DNAJC14: variants seen among roughly 807,000 people sequenced by gnomAD.
DNAJC14 encodes DnaJ heat shock protein family (Hsp40) member C14, also known as dnaJ homolog subfamily C member 14.
A neutral mutation model predicts 68.8 loss-of-function variants in DNAJC14; 12 were observed. The ratio of observed to expected loss-of-function variants is 0.17; its 90% CI spans 0.11 to 0.28. The LOEUF (loss-of-function observed/expected upper bound fraction) is 0.28, where lower values mean the gene tolerates loss of function less well. Among genes scored for constraint, DNAJC14 ranks in the 10% least tolerant of loss-of-function variants. The pLI is 1.00. For missense variants in DNAJC14, 764 were observed against 875.6 expected, an observed-to-expected ratio of 0.87 and a Z score of 1.61; for synonymous variants, 350 against 321.5, an observed-to-expected ratio of 1.09 and a Z score of -0.95.
chr12:55,829,454 A>C, intron 1 of DNAJC14, 35 bp downstream of exon 1: 1 of 984,182 alleles, frequency 1.0e-6, no homozygotes, highest in African/African-American at 1.8e-5. Context: ...CAAAAAAACA[A>C]AAAAAAACGA....
rs1880878408 is a variant in DNAJC14, at chr12:55,828,744, A to G, written c.-56-30T>C. ...AACAGATATCAAGGTGGAGACAGTC[A>G]AGGATGAGACCAAGAGAGGAATTAA... On this transcript the variant is annotated intron_variant, in intron 1 of 6. Coordinates refer to ENST00000678005, the MANE Select transcript of DNAJC14 (RefSeq NM_032364.6). 9 of 1,479,112 alleles carry G rather than the reference A, an allele frequency of 6.1e-6. No individual in the cohort carries two copies. The East Asian group carries it at 1.9e-4, about 31-fold the overall frequency. 91.6% of individuals were successfully genotyped at this position (1,479,112 alleles called of 1,614,324 possible).
chr12:55,821,773 C>A lies in DNAJC14; in HGVS notation c.*204G>T. 7.3e-6 allele frequency: 3 copies of A among 411,106 alleles called. No homozygotes were observed. The highest frequency in any genetic ancestry group is 1.2e-5 in the Non-Finnish European group (3 of 241,588). The allele number at this position is 411,106 out of a possible 1,614,324, so 25.5% of individuals were successfully genotyped here. A position where few individuals can be genotyped will look rare whatever the true frequency, so the allele number is the denominator to read the frequency against. The stretch of plus-strand genomic sequence containing the variant: ...TCAGGAGGCTGAGATGGGAGAATTG[C>A]TTGAACCCGGGAGACAGAGGTTGCA... On this transcript the variant is annotated 3_prime_UTR_variant, in exon 7 of 7. Transcript: ENST00000678005.
chr12:55,821,790 G>A lies in DNAJC14; in HGVS notation c.*187C>T. 1 of 482,212 alleles carries A rather than the reference G, an allele frequency of 2.1e-6. No individual in the cohort carries two copies. The highest frequency in any genetic ancestry group is 3.4e-6 in the Non-Finnish European group (1 of 294,344). 29.9% of individuals were successfully genotyped at this position (482,212 alleles called of 1,614,324 possible). On this transcript the variant is annotated 3_prime_UTR_variant, in exon 7 of 7. Coordinates refer to ENST00000678005, the MANE Select transcript of DNAJC14 (RefSeq NM_032364.6). ...GAGAATTGCTTGAACCCGGGAGACAGAGGTTGCAGTAAGCTGAGATCACAC... is the reference window on the plus strand; with the variant it reads ...GAGAATTGCTTGAACCCGGGAGACAAAGGTTGCAGTAAGCTGAGATCACAC...
rs1880694508 is a variant in DNAJC14 at position 55,822,483 on chromosome 12, C to T, written c.1796-8G>A. 5.6e-6 allele frequency: 9 copies of T among 1,613,848 alleles called. No individual in the cohort carries two copies. The highest frequency in any genetic ancestry group is 7.6e-6 in the Non-Finnish European group (9 of 1,179,872). ...GCTGGCATCCAGCCCACTCTATAAA[C>T]ATGAGAAATAATTAGCCAAAACGTC... On this transcript the variant is annotated splice_polypyrimidine_tract_variant and splice_region_variant and intron_variant, in intron 5 of 6. Transcript: ENST00000678005.
rs762949402 is a variant in DNAJC14 at position 55,827,836 on chromosome 12, C to A, written c.823G>T (p.Ala275Ser). Residue 275 changes from alanine (A) to serine (S), a missense_variant, in exon 2 of 7, where the codon GCC (alanine) becomes TCC (serine). By Grantham distance (99) the Ala-to-Ser change is moderately conservative. Transcript: ENST00000678005. ...TCACTGCTTTTCAGTTGCCTGCAGGCATAGATGAGATGGCCACAAGTTTCT... is the reference window on the plus strand; with the variant it reads ...TCACTGCTTTTCAGTTGCCTGCAGGAATAGATGAGATGGCCACAAGTTTCT... ...YVETCGHLIYACRQLKSSDLD... is the reference protein window; with the variant it reads ...YVETCGHLIYSCRQLKSSDLD... 3.7e-6 allele frequency: 6 copies of A among 1,613,862 alleles called. No homozygotes were observed. The African/African-American group carries it at 6.7e-5, about 18-fold the overall frequency.
Position 55,827,606 on chromosome 12 carries a change from T to G in DNAJC14, c.1053A>C (p.Gly351=). 1 of 1,607,926 alleles carries G rather than the reference T, an allele frequency of 6.2e-7. No homozygotes were observed. ...FLQLGWRFLV[G]LGDRLGWRDK... ...CCCTCCAGCCTAACCGGTCACCTAGTCCCACCAGAAACCGCCATCCCAACT... is the reference window on the plus strand; with the variant it reads ...CCCTCCAGCCTAACCGGTCACCTAGGCCCACCAGAAACCGCCATCCCAACT... The change falls in exon 2 of 7, where the codon GGA becomes GGC. Residue 351 remains glycine, a synonymous_variant. Transcript: ENST00000678005.
rs752412118 is a variant in DNAJC14 at position 55,828,575 on chromosome 12, G to A, written c.84C>T (p.Ser28=). 8 of 1,614,096 alleles carry A rather than the reference G, an allele frequency of 5.0e-6. No homozygotes were observed. The highest frequency in any genetic ancestry group is 2.2e-5 in the East Asian group (1 of 44,872). ...GGASLRTLGP[S]VDPEIPSFSG... The stretch of plus-strand genomic sequence containing the variant: ...AGAATGAAGGTATTTCAGGGTCCAC[G>A]GAGGGTCCTAAAGTCCTGAGGGAGG... The change falls in exon 2 of 7, where the codon TCC becomes TCT. Residue 28 remains serine, a synonymous_variant. Coordinates refer to ENST00000678005, the MANE Select transcript of DNAJC14 (RefSeq NM_032364.6).
In DNAJC14 at chr12:55,828,038, A is replaced by T; in HGVS notation, c.621T>A (p.Thr207=). 1 of 1,613,192 alleles carries T rather than the reference A, an allele frequency of 6.2e-7. No individual in the cohort carries two copies. Among genetic ancestry groups the T allele is most frequent in the Non-Finnish European group, 8.5e-7 (1 of 1,179,668 alleles). ...TGGGATCCCTACGTCCACCCTCCCGAGTATCCTCCTTCGTTGGAAAGCGGT... is the reference window on the plus strand; with the variant it reads ...TGGGATCCCTACGTCCACCCTCCCGTGTATCCTCCTTCGTTGGAAAGCGGT... ...QRHRFPTKED[T]REGGRRDPRS... Residue 207 remains threonine (T), a synonymous_variant, in exon 2 of 7, where the codon ACT becomes ACA. Coordinates refer to ENST00000678005, the MANE Select transcript of DNAJC14 (RefSeq NM_032364.6).
At chr12:55,830,288 T>C (rs1880945109), upstream of DNAJC14, 1 of 152,046 alleles carries the variant, frequency 6.6e-6, no homozygotes, top group Non-Finnish European at 1.5e-5. Flanking sequence ...CAAAGAACAC[T>C]GAACTCATCT....
rs1319762673 is a variant in DNAJC14 at position 55,827,404 on chromosome 12, C to T, written c.1255G>A (p.Gly419Arg). 1 of 1,613,398 alleles carries T rather than the reference C, an allele frequency of 6.2e-7. No individual in the cohort carries two copies. The highest frequency in any genetic ancestry group is 8.5e-7 in the Non-Finnish European group (1 of 1,179,742). The change falls in exon 2 of 7, where the codon GGG (glycine) becomes AGG (arginine). Residue 419 changes from glycine (G) to arginine (R), a missense_variant. Physicochemically the swap from Gly to Arg is moderately radical, Grantham distance 125 (BLOSUM62 -2). Around this residue, in one of 4 missense-constraint regions of DNAJC14, gnomAD observed 514 missense variants for 521.7 expected, o/e 0.99. Transcript: ENST00000678005. ...TCCTCTTCAGGCTGGCAGTAGCGCC[C>T]ACTAGCTACAGGTGCATTCCCCTGC... The part of the protein sequence containing the change: ...NRQGNAPVAS[G>R]RYCQPEEEVA...
Position 55,829,530 on chromosome 12 carries a change from T to G in DNAJC14, c.-98A>C. On this transcript the variant is annotated 5_prime_UTR_variant, in exon 1 of 7. Transcript: ENST00000678005. ...CTCCTCCCCCTCGAGCCGCCCGGCC[T>G]GGGGCCAGGGTGAGCTACGAGAGCC... The G allele has an allele frequency of 1.6e-5, 16 of 983,762 alleles. No individual in the cohort carries two copies. The highest frequency in any genetic ancestry group is 1.8e-5 in the Non-Finnish European group (15 of 829,726). The allele number at this position is 983,762 out of a possible 1,614,324, so 60.9% of individuals were successfully genotyped here.
chr12:55,822,162 C>T lies in DNAJC14; in HGVS notation c.1924G>A (p.Asp642Asn). 6.2e-7 allele frequency: 1 copy of T among 1,602,198 alleles called. No homozygotes were observed. The highest frequency in any genetic ancestry group is 8.5e-7 in the Non-Finnish European group (1 of 1,174,030). Residue 642 changes from aspartate to asparagine, a missense_variant, in exon 7 of 7, where the codon GAT becomes AAT. By Grantham distance (23) the Asp-to-Asn change is conservative. Transcript: ENST00000678005. ...ATCCGACTCAAGAAATCCTGAAGAT[C>T]AGCAGGAGGGGCATCTGGGGTGGCT... is the stretch of plus-strand genomic sequence containing the variant. ...QRATPDAPPA[D>N]LQDFLSRIFQ...
rs1296804344 is a variant in DNAJC14, at chr12:55,827,330, G to A, written c.1329C>T (p.Asn443=). 1 of 1,612,144 alleles carries A rather than the reference G, an allele frequency of 6.2e-7. No individual in the cohort carries two copies. The highest frequency in any genetic ancestry group is 8.5e-7 in the Non-Finnish European group (1 of 1,179,040). Reference sequence around the variant, plus strand: ...CCTCAACCCCCAGTACATGGAAAGGGTTTAGCTCATCCTCAGGAACCCCAG... The same window carrying A: ...CCTCAACCCCCAGTACATGGAAAGGATTTAGCTCATCCTCAGGAACCCCAG... ...TMAGVPEDEL[N]PFHVLGVEAT... The change falls in exon 2 of 7, where the codon AAC becomes AAT. Residue 443 remains asparagine (N), a synonymous_variant. Coordinates refer to ENST00000678005, the MANE Select transcript of DNAJC14 (RefSeq NM_032364.6).
rs1017869020 is a variant in DNAJC14 at position 55,827,409 on chromosome 12, G to T, written c.1250C>A (p.Ala417Asp). The T allele has an allele frequency of 1.2e-6, 2 of 1,613,090 alleles. No homozygotes were observed. The highest frequency in any genetic ancestry group is 1.7e-6 in the Non-Finnish European group (2 of 1,179,654). Reference protein sequence around the residue: ...NINRQGNAPVASGRYCQPEEE... With the variant: ...NINRQGNAPVDSGRYCQPEEE... ...TTCAGGCTGGCAGTAGCGCCCACTA[G>T]CTACAGGTGCATTCCCCTGCCTATT... Residue 417 changes from alanine (A) to aspartate (D), a missense_variant, in exon 2 of 7, where the codon GCT becomes GAT. Physicochemically the swap from Ala to Asp is moderately radical, Grantham distance 126 (BLOSUM62 -2). Transcript: ENST00000678005.
chr12:55,829,098 G>A, intron 1 of DNAJC14: 1 of 991,214 alleles, frequency 1.0e-6, no homozygotes, highest in Non-Finnish European at 1.2e-6. Context: ...ATCTGGGGGC[G>A]GAGCTTAGGG....
In DNAJC14 at chr12:55,828,317, C is replaced by G. The variant is rs751506897; in HGVS notation, c.342G>C (p.Gly114=). 6.2e-7 allele frequency: 1 copy of G among 1,612,680 alleles called. No individual in the cohort carries two copies. Among genetic ancestry groups the G allele is most frequent in the Non-Finnish European group, 8.5e-7 (1 of 1,179,600 alleles). Residue 114 remains glycine, a synonymous_variant, in exon 2 of 7, where the codon GGG becomes GGC. Transcript: ENST00000678005. The part of the protein sequence containing the change: ...DQELSKENET[G]NQKDGNSFLS... ...GAAAAGAGTTCCCATCCTTCTGGTT[C>G]CCAGTCTCGTTTTCTTTTGAGAGTT...
In DNAJC14 at chr12:55,823,424, C is replaced by T. The variant is rs1287922692; in HGVS notation, c.1492G>A (p.Glu498Lys). ...RAAWDIVSNA[E>K]KRKEYEMKRM... Reference sequence around the variant, plus strand: ...TACATCTCATACTCCTTTCGCTTTTCAGCATTGCTGACAATGTCCCAAGCT... The same window carrying T: ...TACATCTCATACTCCTTTCGCTTTTTAGCATTGCTGACAATGTCCCAAGCT... Residue 498 changes from glutamate (E) to lysine (K), a missense_variant, in exon 3 of 7, where the codon GAA becomes AAA. Physicochemically the swap from Glu to Lys is moderately conservative, Grantham distance 56 (BLOSUM62 1). Around this residue, in one of 4 missense-constraint regions of DNAJC14, gnomAD observed 110 missense variants for 162.7 expected, o/e 0.68. Coordinates refer to ENST00000678005, the MANE Select transcript of DNAJC14 (RefSeq NM_032364.6). The T allele has an allele frequency of 6.2e-7, 1 of 1,614,194 alleles. No homozygotes were observed. Among genetic ancestry groups the T allele is most frequent in the South Asian group, 1.1e-5 (1 of 91,092 alleles).
rs1389239848 is a variant in DNAJC14 at position 55,827,962 on chromosome 12, G to A, written c.697C>T (p.Arg233Cys). ...GCTCCCCACAATCCCAGGCCTTTGC[G>A]CTTATCTGCCTGACTTCGTTTCCGA... ...LGRKRSQADKRKGLGLWGAEE... is the reference protein window; with the variant it reads ...LGRKRSQADKCKGLGLWGAEE... The change falls in exon 2 of 7, where the codon CGC (arginine) becomes TGC (cysteine). Residue 233 changes from arginine (R) to cysteine (C), a missense_variant. Around this residue, in one of 4 missense-constraint regions of DNAJC14, gnomAD observed 514 missense variants for 521.7 expected, o/e 0.99. Coordinates refer to ENST00000678005, the MANE Select transcript of DNAJC14 (RefSeq NM_032364.6). 3.1e-6 allele frequency: 5 copies of A among 1,612,196 alleles called. No individual in the cohort carries two copies. Among genetic ancestry groups the A allele is most frequent in the East Asian group, 2.2e-5 (1 of 44,874 alleles).
At position 55,823,387 on chromosome 12, in the gene DNAJC14, C is replaced by T. The variant is rs115930532; in HGVS notation, c.1514+15G>A. 1,121 of 1,613,526 alleles carry T rather than the reference C, an allele frequency of 6.9e-4. 8 individuals are homozygous for T. The African/African-American group carries it at 0.013, about 19-fold the overall frequency. ...TCATTTACCATTATCTGATGATTTC[C>T]CATCTCCAACTTACATCTCATACTC... On this transcript the variant is annotated intron_variant, in intron 3 of 6. Coordinates refer to ENST00000678005, the MANE Select transcript of DNAJC14 (RefSeq NM_032364.6).
Sources: gnomAD v4.1 joint callset for allele counts on GRCh38, gnomAD v4.1.1 for gene constraint, gnomAD v4.1.1 regional missense constraint, MANE v1.5 for transcripts, NCBI Gene and HGNC (gene_info 2026-07-23, HGNC 2026-07-21) for gene names.